Variants in SLC10A6 observed in about 807,000 individuals in gnomAD.
The protein encoded by SLC10A6 is sodium-dependent organic anion transporter.
SLC10A6 carries 27 observed loss-of-function variants against 30.0 expected under a neutral mutation model. That is an observed-to-expected ratio of 0.90 (90% CI 0.66 to 1.24). SLC10A6 has a LOEUF of 1.24. Among genes scored for constraint, SLC10A6 ranks in the 50% most tolerant of loss-of-function variants. The pLI, the probability that SLC10A6 is intolerant of heterozygous loss-of-function variation, is 0.00. For synonymous variants in SLC10A6, 166 were observed against 173.8 expected (o/e 0.95, Z 0.36); for missense variants, 439 against 457.0 (o/e 0.96, Z 0.36).
At chr4:86,845,495 C>T (rs558034879) in intron 1 of SLC10A6, among the ~76,000 whole-genome samples, 15 of 152,214 alleles carry the variant, frequency 9.9e-5, no homozygotes, top group East Asian at 3.9e-4. Flanking sequence ...CAGTACCATG[C>T]GGGTAATGTT....
At chr4:86,838,145 T>C (rs1746230706) in intron 1 of SLC10A6, among the ~76,000 whole-genome samples, 1 of 152,228 alleles carries the variant, frequency 6.6e-6, no homozygotes, top group Non-Finnish European at 1.5e-5. Context: ...CCCTCTGTGC[T>C]CTCACTCATT....
rs1196390369 is a variant in SLC10A6, at chr4:86,825,582, C to T, written c.762-5G>A. 3 of 1,574,478 alleles carry T rather than the reference C, an allele frequency of 1.9e-6. No homozygotes were observed. The African/African-American group carries it at 4.0e-5, about 21-fold the overall frequency. On this transcript the variant is annotated splice_polypyrimidine_tract_variant and splice_region_variant and intron_variant, in intron 4 of 5. Transcript: ENST00000273905. ...TCTAAGGAAATTGTCCTGCACCTAC[C>T]AAAAAGAAAATGTTTCAAGAGTAAC...
intron 1 of SLC10A6, among the ~76,000 whole-genome samples, chr4:86,839,082 A>G (rs980465316): frequency 6.6e-6 from 1 of 151,904 alleles, no homozygotes; most frequent in African/African-American, 2.4e-5. Flanking sequence ...TAAGCAGTCC[A>G]TTTATTTCAT....
chr4:86,847,207 T>G (rs556304264), intron 1 of SLC10A6, among the ~76,000 whole-genome samples: 12 of 152,314 alleles, frequency 7.9e-5, no homozygotes, highest in African/African-American at 2.9e-4. Context: ...CACAATTTTC[T>G]CAGCTGTAAA....
rs1491065690 is a variant in SLC10A6, at chr4:86,842,710, AAG to A, written c.377+6027_377+6028del. Among the ~76,000 whole-genome samples the A allele has an allele frequency of 1.1e-4, 10 of 87,316 alleles. 1 individual carries two copies. Among genetic ancestry groups the A allele is most frequent in the African/African-American group, 3.2e-4 (7 of 22,016 alleles). The allele number at this position is 87,316 out of a possible 152,430, so 57.3% of individuals were successfully genotyped here. On this transcript the variant is annotated intron_variant, in intron 1 of 5. Transcript: ENST00000273905. ...AAGACCCTGTCTCAAAAAAAAAAAA[AAG>A]AAAAGAAAAGAAAAGAAAAGAAAAG...
Position 86,848,776 on chromosome 4 carries a change from T to C in SLC10A6, c.340A>G (p.Ile114Val), listed in dbSNP as rs13106574. 288,177 of 1,606,902 alleles carry C rather than the reference T, an allele frequency of 0.18. 27,648 individuals carry two copies. The highest frequency in any genetic ancestry group is 0.2 in the Non-Finnish European group (232,901 of 1,176,868). ...GCCPGGTISN[I>V]FTFWVDGDMD... ...TCTCCATCAACCCAGAAGGTGAAAATGTTAGAGATGGTGCCCCCCGGGCAG... is the reference window on the plus strand; with the variant it reads ...TCTCCATCAACCCAGAAGGTGAAAACGTTAGAGATGGTGCCCCCCGGGCAG... The change falls in exon 1 of 6, where the codon ATT (isoleucine) becomes GTT (valine). Residue 114 changes from isoleucine (I) to valine (V), a missense_variant. Ile to Val is a conservative substitution (Grantham distance 29). Transcript: ENST00000273905.
intron 1 of SLC10A6, among the ~76,000 whole-genome samples, chr4:86,841,901 G>A (rs760418107): frequency 2.0e-5 from 3 of 152,096 alleles, no homozygotes; most frequent in South Asian, 2.1e-4. Flanking sequence ...CGTAAGGCCC[G>A]ATTTTCCATC....
intron 2 of SLC10A6, 77 bp downstream of exon 2, chr4:86,833,229 G>A (rs1746116428): frequency 3.4e-6 from 4 of 1,161,836 alleles, no homozygotes; most frequent in Non-Finnish European, 3.8e-6. Context: ...TGCATAAAGA[G>A]TTATATAATT....
At chr4:86,842,855 TTTCTTTCTTTCTTTCTTTC>T (rs1560461901) in intron 1 of SLC10A6, among the ~76,000 whole-genome samples, 4 of 57,056 alleles carry the variant, frequency 7.0e-5, no homozygotes, top group South Asian at 4.0e-4. Flanking sequence ...TCTTTCTTTC[TTTCTTTCTTTCTTTCTTTC>T]TTTTTTTTTT....
chr4:86,829,084 TAG>T (rs1746040393), intron 3 of SLC10A6, among the ~76,000 whole-genome samples: 1 of 152,136 alleles, frequency 6.6e-6, no homozygotes, highest in Admixed American at 6.6e-5. Context: ...AGAGACAGAC[TAG>T]ACCCCTGCCT....
chr4:86,836,370 T>C (rs2149412202), intron 1 of SLC10A6, among the ~76,000 whole-genome samples: 1 of 152,298 alleles, frequency 6.6e-6, no homozygotes, highest in East Asian at 1.9e-4. Context: ...AATTCATAGG[T>C]TGGAAATCAA....
chr4:86,837,276 A>G (rs1578757695), intron 1 of SLC10A6, among the ~76,000 whole-genome samples: 4 of 103,682 alleles, frequency 3.9e-5, no homozygotes, highest in African/African-American at 1.5e-4. Flanking sequence ...AGAAAGAAAG[A>G]AAGAAAGAAA....
Position 86,837,343 on chromosome 4 carries a change from A to AAGGAAGGAAGGAAGGCAGGC in SLC10A6, c.378-3920_378-3919insGCCTGCCTTCCTTCCTTCCT, listed in dbSNP as rs58692864. ...GAAGGAAGGAAGGAAGGAAGGAAGG[A>AAGGAAGGAAGGAAGGCAGGC]AGGCAGGCAGGCAGGCTGGGATTTG... On this transcript the variant is annotated intron_variant, in intron 1 of 5. Coordinates refer to ENST00000273905, the MANE Select transcript of SLC10A6 (RefSeq NM_197965.3). Among the ~76,000 whole-genome samples the AAGGAAGGAAGGAAGGCAGGC allele has an allele frequency of 6.3e-4, 65 of 102,974 alleles. 5 individuals carry two copies. Among genetic ancestry groups the AAGGAAGGAAGGAAGGCAGGC allele is most frequent in the African/African-American group, 1.3e-3 (33 of 25,194 alleles). The allele number at this position is 102,974 out of a possible 152,430, so 67.6% of individuals were successfully genotyped here.
At chr4:86,840,759 T>C (rs1305895715) in intron 1 of SLC10A6, among the ~76,000 whole-genome samples, 1 of 152,230 alleles carries the variant, frequency 6.6e-6, no homozygotes, top group African/African-American at 2.4e-5. Context: ...TAAATAACTT[T>C]CTTTTTTCCT....
intron 1 of SLC10A6, among the ~76,000 whole-genome samples, chr4:86,843,750 T>C (rs563222242): frequency 2.6e-5 from 4 of 152,250 alleles, no homozygotes; most frequent in Admixed American, 1.3e-4. Context: ...CACGATGTTC[T>C]TTTGCCTGCC....
chr4:86,840,314 T>C (rs2149413152), intron 1 of SLC10A6, among the ~76,000 whole-genome samples: 1 of 152,280 alleles, frequency 6.6e-6, no homozygotes, highest in South Asian at 2.1e-4. Context: ...AGACTTCTTC[T>C]CAACTTGTAG....
chr4:86,844,930 C>T (rs1371219854), intron 1 of SLC10A6, among the ~76,000 whole-genome samples: 1 of 152,110 alleles, frequency 6.6e-6, no homozygotes, highest in South Asian at 2.1e-4. Flanking sequence ...CACTCACTAT[C>T]ATTAGAACAG....
intron 1 of SLC10A6, among the ~76,000 whole-genome samples, chr4:86,843,942 G>T (rs536217071): frequency 1.9e-4 from 29 of 152,266 alleles, no homozygotes; most frequent in South Asian, 8.3e-4. Context: ...ACTTTGGGAG[G>T]CTGAGGTGGG....
intron 2 of SLC10A6, among the ~76,000 whole-genome samples, chr4:86,832,850 T>C (rs913608420): frequency 6.6e-6 from 1 of 152,112 alleles, no homozygotes; most frequent in Non-Finnish European, 1.5e-5. Context: ...AAAGTCAAGG[T>C]TCGCAGGCAA....
Sources: allele counts gnomAD v4.1 joint callset (sites outside exome capture counted in the v4.1 genomes callset), GRCh38; gene constraint gnomAD v4.1.1; transcripts MANE v1.5; gene names NCBI Gene and HGNC (gene_info 2026-07-23, HGNC 2026-07-21).